The following ERGIC2 variants were observed in gnomAD, a reference collection of about 807,000 sequenced individuals.
ERGIC2 encodes the protein ERGIC and golgi 2.
ERGIC2 carries 31 observed loss-of-function variants against 52.5 expected under a neutral mutation model. The ratio of observed to expected loss-of-function variants is 0.59; its 90% confidence interval spans 0.44 to 0.80. The LOEUF is 0.80. ERGIC2 is among the 30% of genes least tolerant of loss of function. The pLI is 0.00. For synonymous variants in ERGIC2, 129 were observed against 140.6 expected (o/e 0.92, Z 0.58); for missense variants, 395 against 455.2 (o/e 0.87, Z 1.20).
chr12:29,349,443 A>G (rs1940102640), intron 9 of ERGIC2, among the ~76,000 whole-genome samples: 2 of 152,022 alleles, frequency 1.3e-5, no homozygotes, highest in African/African-American at 4.8e-5. Flanking sequence ...ATATTAATAT[A>G]TAATGAAAGC....
intron 8 of ERGIC2, among the ~76,000 whole-genome samples, chr12:29,354,812 T>G (rs763914149): frequency 5.9e-5 from 9 of 152,136 alleles, no homozygotes; most frequent in African/African-American, 1.9e-4. Flanking sequence ...TTTCCCTCTT[T>G]GAGTTGGTTG....
Position 29,357,733 on chromosome 12 carries a change from G to T in ERGIC2, c.375-9C>A, listed in dbSNP as rs752586458. The T allele has an allele frequency of 2.0e-6, 3 of 1,513,530 alleles. No homozygotes were observed. The highest frequency in any genetic ancestry group is 2.3e-5 in the South Asian group (2 of 88,398). 93.8% of individuals were successfully genotyped at this position (1,513,530 alleles called of 1,614,324 possible). A position where few individuals can be genotyped will look rare whatever the true frequency, so the allele number is the denominator to read the frequency against. ...GAATCAGCTGCAGCATCCTAAATAA[G>T]AAGCAATAATTTAGAACTACAGAAA... On this transcript the variant is annotated splice_polypyrimidine_tract_variant and intron_variant, in intron 6 of 13. Coordinates refer to ENST00000360150, the MANE Select transcript of ERGIC2 (RefSeq NM_016570.3).
Position 29,341,077 on chromosome 12 carries a change from A to G in ERGIC2, c.*79T>C, listed in dbSNP as rs981323041. On this transcript the variant is annotated 3_prime_UTR_variant, in exon 14 of 14. Transcript: ENST00000360150. Reference sequence around the variant, plus strand: ...CTTATTTGTGTTTTCTTTTCTTTGAATATATTGCACAATATTTTATTATTA... The same window carrying G: ...CTTATTTGTGTTTTCTTTTCTTTGAGTATATTGCACAATATTTTATTATTA... 19 of 933,532 alleles carry G rather than the reference A, an allele frequency of 2.0e-5. No individual in the cohort carries two copies. The highest frequency in any genetic ancestry group is 3.0e-5 in the Non-Finnish European group (18 of 605,426). 57.8% of individuals were successfully genotyped at this position (933,532 alleles called of 1,614,324 possible).
chr12:29,354,926 G>A (rs942707886), intron 8 of ERGIC2, among the ~76,000 whole-genome samples: 4 of 152,132 alleles, frequency 2.6e-5, no homozygotes, highest in Non-Finnish European at 4.4e-5. Context: ...AGGTTGGGTT[G>A]GAGATGGGTA....
rs1240705211 is a variant in ERGIC2, at chr12:29,340,355, CCAAT to C, written c.*797_*800del. On this transcript the variant is annotated 3_prime_UTR_variant, in exon 14 of 14. Coordinates refer to ENST00000360150, the MANE Select transcript of ERGIC2 (RefSeq NM_016570.3). ...CTCACCCTATGTTGCCCAAAATACA[CCAAT>C]AATATAATGATTAGATTAAAAAACT... 6.6e-6 allele frequency: 1 copy of C among 152,054 alleles called. No individual in the cohort carries two copies. Among genetic ancestry groups the C allele is most frequent in the Admixed American group, 6.6e-5 (1 of 15,260 alleles). 9.4% of individuals were successfully genotyped at this position (152,054 alleles called of 1,614,324 possible).
At position 29,371,555 on chromosome 12, in the gene ERGIC2, C is replaced by T. The variant is rs763801534; in HGVS notation, c.79G>A (p.Val27Ile). ...GTACCTCCACTGGCTGAAGTCTCTA[C>T]ATAGCTCTCAGGAACCTTCGGAAAG... The part of the protein sequence containing the change: ...DAFPKVPESY[V>I]ETSASGGTVS... The change falls in exon 2 of 14, where the codon GTA becomes ATA. Residue 27 changes from valine to isoleucine, a missense_variant. By Grantham distance (29) the Val-to-Ile change is conservative. Transcript: ENST00000360150. 1.9e-6 allele frequency: 3 copies of T among 1,612,648 alleles called. No individual in the cohort carries two copies. The East Asian group carries it at 6.7e-5, about 36-fold the overall frequency.
chr12:29,346,645 A>G (rs12815222), intron 10 of ERGIC2, among the ~76,000 whole-genome samples: 18,241 of 152,244 alleles, frequency 0.12, 1,255 homozygotes, highest in Middle Eastern at 0.24. Flanking sequence ...AACTGATATT[A>G]CAGTAGGAAG....
At position 29,340,306 on chromosome 12, in the gene ERGIC2, T is replaced by C. The variant is rs2136844155; in HGVS notation, c.*850A>G. 1 of 152,314 alleles carries C rather than the reference T, an allele frequency of 6.6e-6. No individual in the cohort carries two copies. Among genetic ancestry groups the C allele is most frequent in the East Asian group, 1.9e-4 (1 of 5,188 alleles). The allele number at this position is 152,314 out of a possible 1,614,324, so 9.4% of individuals were successfully genotyped here. On this transcript the variant is annotated 3_prime_UTR_variant, in exon 14 of 14. Transcript: ENST00000360150. ...TGTTTTACAAACCGGTAATTTTCACTATCAGTAGCGGATCTTTTTATAACT... is the reference window on the plus strand; with the variant it reads ...TGTTTTACAAACCGGTAATTTTCACCATCAGTAGCGGATCTTTTTATAACT...
At chr12:29,379,906 T>C (rs1370711014) in intron 1 of ERGIC2, among the ~76,000 whole-genome samples, 2 of 151,976 alleles carry the variant, frequency 1.3e-5, no homozygotes, top group African/African-American at 2.4e-5. Context: ...AGAAAGAAAA[T>C]GTGTGGGTGG....
chr12:29,367,959 CAGAA>C (rs1373348218), intron 4 of ERGIC2, among the ~76,000 whole-genome samples: 2 of 151,742 alleles, frequency 1.3e-5, no homozygotes, highest in Admixed American at 6.6e-5. Flanking sequence ...CAAAAAAAGA[CAGAA>C]AGGATGTACA....
intron 6 of ERGIC2, among the ~76,000 whole-genome samples, chr12:29,361,258 AAAG>A (rs1257047616): frequency 6.6e-6 from 1 of 152,164 alleles, no homozygotes; most frequent in Non-Finnish European, 1.5e-5. Flanking sequence ...CTCAAAAAAA[AAAG>A]AAGTTTACAA....
chr12:29,371,378 C>T, intron 2 of ERGIC2, 150 bp downstream of exon 2: 2 of 539,322 alleles, frequency 3.7e-6, no homozygotes, highest in Non-Finnish European at 3.3e-6. Context: ...GAATTACAGC[C>T]AACAGAGTGG....
At chr12:29,349,949 G>A in intron 9 of ERGIC2, 64 bp downstream of exon 9, 1 of 989,300 alleles carries the variant, frequency 1.0e-6, no homozygotes, top group East Asian at 2.6e-5. Context: ...CACTATATCT[G>A]CACTTTTAAA....
In ERGIC2 at chr12:29,350,012, C is replaced by A. The variant is rs1478286626; in HGVS notation, c.628+1G>T. 1 of 1,594,998 alleles carries A rather than the reference C, an allele frequency of 6.3e-7. No homozygotes were observed. ...CTGAAAAAAAGTCAGAATCTGCTTA[C>A]ATTCATGGTTGACAAGTGCTGCCAA... is the stretch of plus-strand genomic sequence containing the variant. On this transcript the variant is annotated splice_donor_variant, in intron 9 of 13. Coordinates refer to ENST00000360150, the MANE Select transcript of ERGIC2 (RefSeq NM_016570.3). LOFTEE classifies it high-confidence loss of function.
At chr12:29,349,028 T>A (rs919846619) in intron 10 of ERGIC2, 51 bp downstream of exon 10, 2 of 940,830 alleles carry the variant, frequency 2.1e-6, no homozygotes, top group African/African-American at 1.7e-5. Flanking sequence ...ATTCAGGTTA[T>A]AAGCAAAATT....
intron 1 of ERGIC2, among the ~76,000 whole-genome samples, chr12:29,379,419 C>CT (rs1302066642): frequency 2.0e-5 from 3 of 152,088 alleles, no homozygotes; most frequent in Admixed American, 6.5e-5. Context: ...AAACAAGCAA[C>CT]TGGATAATGG....
intron 3 of ERGIC2, 41 bp downstream of exon 3, chr12:29,370,072 AT>A (rs1354677950): frequency 2.8e-6 from 4 of 1,453,380 alleles, no homozygotes; most frequent in Non-Finnish European, 3.6e-6. Flanking sequence ...TTTTAAAACA[AT>A]TTGAATCTAA....
intron 2 of ERGIC2, among the ~76,000 whole-genome samples, chr12:29,371,286 T>A (rs1257623322): frequency 6.6e-6 from 1 of 152,156 alleles, no homozygotes; most frequent in East Asian, 1.9e-4. Flanking sequence ...GCAGAAACAT[T>A]GGTTTAATGT....
chr12:29,362,774 C>G (rs377208876), intron 5 of ERGIC2, among the ~76,000 whole-genome samples: 8 of 152,186 alleles, frequency 5.3e-5, no homozygotes, highest in Admixed American at 4.6e-4. Flanking sequence ...TCTGATGTTT[C>G]CTTTGATTAC....
Sources: allele counts gnomAD v4.1 joint callset (sites outside exome capture counted in the v4.1 genomes callset), GRCh38; gene constraint gnomAD v4.1.1; transcripts MANE v1.5; gene names NCBI Gene and HGNC (gene_info 2026-07-23, HGNC 2026-07-21).